LRRC31: variants seen among roughly 807,000 people sequenced by gnomAD.
The protein encoded by LRRC31 is leucine-rich repeat-containing protein 31.
A neutral mutation model predicts 46.7 loss-of-function variants in LRRC31; 35 were observed. The ratio of observed to expected loss-of-function variants is 0.75; its 90% CI spans 0.57 to 0.99. The LOEUF (loss-of-function observed/expected upper bound fraction) is 0.99. Among genes scored for constraint, LRRC31 ranks in the 50% least tolerant of loss-of-function variants. The pLI is 0.00. For missense variants in LRRC31, 613 were observed against 626.1 expected (o/e 0.98, Z 0.22); for synonymous variants, 236 against 235.1 (o/e 1.00, Z -0.03).
chr3:169,858,416 C>T (rs1781037555), intron 3 of LRRC31, among the ~76,000 whole-genome samples: 1 of 152,102 alleles, frequency 6.6e-6, no homozygotes, highest in African/African-American at 2.4e-5. Flanking sequence ...CTTTTCACAC[C>T]TGAGTAATGG....
chr3:169,844,001 T>A (rs1048307076), intron 8 of LRRC31, among the ~76,000 whole-genome samples: 29 of 152,348 alleles, frequency 1.9e-4, no homozygotes, highest in African/African-American at 6.5e-4. Context: ...CAAGTTTAGA[T>A]GGCTTCAGTG....
chr3:169,857,268 C>T (rs1412827840), intron 3 of LRRC31, among the ~76,000 whole-genome samples: 1 of 143,034 alleles, frequency 7.0e-6, no homozygotes, highest in Non-Finnish European at 1.5e-5. Flanking sequence ...AAGCAGATAA[C>T]TGGCCACCAC....
chr3:169,861,070 C>CTTTTTTTTTTTT (rs11337221), intron 2 of LRRC31, among the ~76,000 whole-genome samples: 9 of 125,010 alleles, frequency 7.2e-5, no homozygotes, highest in African/African-American at 2.7e-4. Flanking sequence ...TTTTCTTTTC[C>CTTTTTTTTTTTT]TTTTTTTTTT....
intron 5 of LRRC31, among the ~76,000 whole-genome samples, chr3:169,855,856 G>A (rs1780922519): frequency 6.6e-6 from 1 of 151,952 alleles, no homozygotes; most frequent in Non-Finnish European, 1.5e-5. Flanking sequence ...TTATAATCAT[G>A]AAAGTGTATG....
chr3:169,860,291 G>T (rs369797113), intron 3 of LRRC31, among the ~76,000 whole-genome samples: 1 of 150,042 alleles, frequency 6.7e-6, no homozygotes, highest in Non-Finnish European at 1.5e-5. Context: ...GCAGTGGCAC[G>T]ATCTCGGCTC....
chr3:169,861,495 G>A (rs948673127), intron 2 of LRRC31, among the ~76,000 whole-genome samples, 175 bp downstream of exon 2: 1 of 151,636 alleles, frequency 6.6e-6, no homozygotes, highest in Admixed American at 6.6e-5. Flanking sequence ...CTCCAGCCTG[G>A]GTGACAGAGC....
intron 8 of LRRC31, among the ~76,000 whole-genome samples, chr3:169,844,672 G>A (rs1009817459): frequency 1.6e-4 from 24 of 152,126 alleles, no homozygotes; most frequent in African/African-American, 5.6e-4. Context: ...AGTGGCTCAC[G>A]CCTGTAATCC....
rs932069060 is a variant in LRRC31 at position 169,842,815 on chromosome 3, A to C, written c.1328-2502T>G. Among the ~76,000 whole-genome samples the C allele has an allele frequency of 2.0e-5, 3 of 152,236 alleles. No homozygotes were observed. In the East Asian group the frequency reaches 5.8e-4, roughly 29 times the overall value. ...AAATTTGATGCAGACAAAAATAAAA[A>C]AGACCGAAATGAAGAAGCAAATTTT... On this transcript the variant is annotated intron_variant, in intron 8 of 8. Coordinates refer to ENST00000316428, the MANE Select transcript of LRRC31 (RefSeq NM_024727.4).
intron 6 of LRRC31, chr3:169,853,853 C>T (rs1378244065): frequency 2.5e-5 from 8 of 314,288 alleles, no homozygotes; most frequent in Non-Finnish European, 3.7e-5. Flanking sequence ...TCTCATTGTA[C>T]ACTCATTCAT....
At chr3:169,842,189 G>T (rs1298366591) in intron 8 of LRRC31, among the ~76,000 whole-genome samples, 6 of 151,770 alleles carry the variant, frequency 4.0e-5, no homozygotes, top group African/African-American at 9.7e-5. Context: ...TAGGCCATGG[G>T]TATACTCTTT....
intron 5 of LRRC31, 29 bp downstream of exon 5, chr3:169,856,307 A>G (rs1341727623): frequency 2.1e-6 from 3 of 1,431,016 alleles, no homozygotes; most frequent in Non-Finnish European, 2.8e-6. Context: ...TTATACATGT[A>G]ATCTTAAATC....
At chr3:169,859,588 T>G (rs1384443497) in intron 3 of LRRC31, among the ~76,000 whole-genome samples, 1 of 152,256 alleles carries the variant, frequency 6.6e-6, no homozygotes, top group African/African-American at 2.4e-5. Context: ...GCAAGCATTT[T>G]AGTACAGCAG....
At chr3:169,848,975 C>G (rs554265052) in intron 7 of LRRC31, among the ~76,000 whole-genome samples, 1 of 152,304 alleles carries the variant, frequency 6.6e-6, no homozygotes, top group South Asian at 2.1e-4. Context: ...GGGGGCAAGC[C>G]TCCCTCAGAG....
chr3:169,856,654 C>A, intron 4 of LRRC31, 51 bp downstream of exon 4: 1 of 1,500,092 alleles, frequency 6.7e-7, no homozygotes. Flanking sequence ...ACTTCCCAAG[C>A]TATCCAGTGG....
chr3:169,846,138 G>A (rs1780597317), intron 8 of LRRC31, among the ~76,000 whole-genome samples: 1 of 152,208 alleles, frequency 6.6e-6, no homozygotes, highest in Non-Finnish European at 1.5e-5. Flanking sequence ...TTAGGGAAAT[G>A]CGAATTAAAA....
chr3:169,867,734 A>G (rs1018108040), intron 1 of LRRC31, among the ~76,000 whole-genome samples: 6 of 152,246 alleles, frequency 3.9e-5, no homozygotes, highest in Non-Finnish European at 8.8e-5. Flanking sequence ...TATGCTTAAA[A>G]TGTTTTTAAA....
Position 169,856,887 on chromosome 3 carries a change from C to A in LRRC31, c.488-15G>T. On this transcript the variant is annotated splice_polypyrimidine_tract_variant and intron_variant, in intron 3 of 8. Coordinates refer to ENST00000316428, the MANE Select transcript of LRRC31 (RefSeq NM_024727.4). ...AAATGCTTCTCCTGTTAACAAATGG[C>A]CCGAAAATTCTGTTGGTCACTAGTC... The A allele has an allele frequency of 6.3e-7, 1 of 1,591,070 alleles. No individual in the cohort carries two copies. Among genetic ancestry groups the A allele is most frequent in the South Asian group, 1.1e-5 (1 of 87,480 alleles).
At chr3:169,845,330 A>G (rs1780572169) in intron 8 of LRRC31, among the ~76,000 whole-genome samples, 2 of 152,234 alleles carry the variant, frequency 1.3e-5, no homozygotes, top group African/African-American at 2.4e-5. Context: ...AAATTTCCAG[A>G]TGGATTTTTA....
chr3:169,850,261 T>A (rs756794899), intron 7 of LRRC31, among the ~76,000 whole-genome samples: 13 of 152,242 alleles, frequency 8.5e-5, no homozygotes, highest in Non-Finnish European at 1.5e-4. Context: ...ATTCTTGCCC[T>A]CCTTTTCGGC....
Sources: gnomAD v4.1 joint callset for allele counts (sites outside exome capture counted in the v4.1 genomes callset) on GRCh38, gnomAD v4.1.1 for gene constraint, MANE v1.5 for transcripts, NCBI Gene and HGNC (gene_info 2026-07-23, HGNC 2026-07-21) for gene names.